MAPK10: variants seen among roughly 807,000 people sequenced by gnomAD.
MAPK10 encodes the protein JNK3 alpha protein kinase.
Under a neutral mutation model 59.3 loss-of-function variants are expected in MAPK10, and 25 were observed. The ratio of observed to expected loss-of-function variants is 0.42; its 90% CI spans 0.31 to 0.59. MAPK10 has a LOEUF of 0.59. Ranked by LOEUF, MAPK10 falls within the 20% of genes least tolerant of loss-of-function variation. MAPK10 has a pLI of 0.15. For synonymous variants in MAPK10, 190 were observed against 200.5 expected (o/e 0.95, Z 0.44); for missense variants, 351 against 568.9 (o/e 0.62, Z 3.90).
chr4:86,064,898 G>GTTTATTTA (rs943224909), intron 10 of MAPK10: 11 of 151,984 alleles, frequency 7.2e-5, no homozygotes, highest in African/African-American at 2.7e-4. Flanking sequence ...TTTTGTTTTT[G>GTTTATTTA]TTTATTTATT....
chr4:86,121,442 A>G (rs777803796), intron 4 of MAPK10, among the ~76,000 whole-genome samples: 3 of 152,122 alleles, frequency 2.0e-5, no homozygotes, highest in African/African-American at 7.2e-5. Flanking sequence ...ACAATATCAC[A>G]TTGGAGATTA....
rs150634234 is a variant in MAPK10, at chr4:86,059,329, G to A, written c.1110+4937C>T. ...ACTTGTTTCTATAAATTCTTTCACC[G>A]TAGGCAAAAATAACATAATCCCTAA... On this transcript the variant is annotated intron_variant, in intron 11 of 13. Coordinates refer to ENST00000641462, the MANE Select transcript of MAPK10 (RefSeq NM_138982.4). Among the ~76,000 whole-genome samples, 344 of 152,194 alleles carry A rather than the reference G, an allele frequency of 2.3e-3. 1 individual carries two copies. Among genetic ancestry groups the A allele is most frequent in the African/African-American group, 3.8e-3 (158 of 41,530 alleles).
chr4:86,151,460 T>G (rs2066454054), intron 4 of MAPK10, among the ~76,000 whole-genome samples: 1 of 152,154 alleles, frequency 6.6e-6, no homozygotes, highest in Non-Finnish European at 1.5e-5. Flanking sequence ...GAAATCAGTG[T>G]GATTATATCA....
At position 86,064,404 on chromosome 4, in the gene MAPK10, T is replaced by C; in HGVS notation, c.986-14A>G. On this transcript the variant is annotated splice_polypyrimidine_tract_variant and intron_variant, in intron 10 of 13. Coordinates refer to ENST00000641462, the MANE Select transcript of MAPK10 (RefSeq NM_138982.4). ...TGGCTTGGCTGGCTGAAACAATAAA[T>C]GAGAAAAACAATTAGTAAGATTTTG... 1 of 1,609,626 alleles carries C rather than the reference T, an allele frequency of 6.2e-7. No individual in the cohort carries two copies. Among genetic ancestry groups the C allele is most frequent in the Non-Finnish European group, 8.5e-7 (1 of 1,178,684 alleles).
intron 4 of MAPK10, chr4:86,125,869 A>T (rs1387663240): frequency 6.6e-6 from 1 of 152,104 alleles, no homozygotes; most frequent in Non-Finnish European, 1.5e-5. Context: ...AGTAAAGAAC[A>T]TGCTATGTAT....
chr4:86,398,752 G>A (rs995457967), intron 1 of MAPK10, among the ~76,000 whole-genome samples: 8 of 152,188 alleles, frequency 5.3e-5, no homozygotes, highest in Admixed American at 2.6e-4. Flanking sequence ...CAACCCTTGC[G>A]TCCCTCTCTT....
chr4:86,484,865 G>A (rs1753870483), intron 1 of MAPK10, among the ~76,000 whole-genome samples: 1 of 152,090 alleles, frequency 6.6e-6, no homozygotes, highest in African/African-American at 2.4e-5. Context: ...ATACTGCACC[G>A]GTCTCTTGTG....
At chr4:86,052,950 T>G (rs908220552) in intron 11 of MAPK10, among the ~76,000 whole-genome samples, 1 of 152,088 alleles carries the variant, frequency 6.6e-6, no homozygotes, top group Non-Finnish European at 1.5e-5. Flanking sequence ...CCTCCCAAAG[T>G]GCTAGGATTA....
chr4:86,105,502 C>T lies in MAPK10; in HGVS notation c.366+1721G>A, dbSNP rs1279365930. 4.6e-5 allele frequency among the ~76,000 whole-genome samples: 7 copies of T among 152,208 alleles called. No homozygotes were observed. The South Asian group carries it at 1.5e-3, about 32-fold the overall frequency. ...ACTGACCAAGTAAGTGAGCATTTCT[C>T]CACATTCTATTGCATTACAGGGTCT... On this transcript the variant is annotated intron_variant, in intron 5 of 13. Transcript: ENST00000641462.
chr4:86,126,495 T>C (rs982140257), intron 4 of MAPK10, among the ~76,000 whole-genome samples: 1 of 152,060 alleles, frequency 6.6e-6, no homozygotes, highest in Non-Finnish European at 1.5e-5. Flanking sequence ...TAATGCCAAA[T>C]GTTTATTTCC....
chr4:86,572,534 A>G (rs1402979156), intron 1 of MAPK10, among the ~76,000 whole-genome samples: 2 of 152,182 alleles, frequency 1.3e-5, no homozygotes, highest in African/African-American at 4.8e-5. Flanking sequence ...CAGGGCAGAA[A>G]GTACTGGCAG....
chr4:86,455,383 C>A (rs1366257609), upstream of MAPK10, among the ~76,000 whole-genome samples: 1 of 152,054 alleles, frequency 6.6e-6, no homozygotes, highest in Non-Finnish European at 1.5e-5. Context: ...TAGAGACACA[C>A]CTTCAAGAGA....
At chr4:86,465,297 G>A (rs1428737249) in intron 1 of MAPK10, among the ~76,000 whole-genome samples, 1 of 152,178 alleles carries the variant, frequency 6.6e-6, no homozygotes, top group African/African-American at 2.4e-5. Context: ...TATTAAAACA[G>A]ATAATGCCCC....
intron 1 of MAPK10, among the ~76,000 whole-genome samples, chr4:86,547,975 T>A (rs966823934): frequency 2.0e-5 from 3 of 152,150 alleles, no homozygotes; most frequent in African/African-American, 7.2e-5. Flanking sequence ...ATCAGCAGGA[T>A]GTGGGTGGAG....
At chr4:86,458,312 A>C (rs1487606400) in intron 1 of MAPK10, among the ~76,000 whole-genome samples, 1 of 151,620 alleles carries the variant, frequency 6.6e-6, no homozygotes, top group African/African-American at 2.4e-5. Flanking sequence ...AAAAAAAAAA[A>C]ACTAGCCGGG....
At chr4:86,467,655 G>T (rs1169584284) in intron 1 of MAPK10, among the ~76,000 whole-genome samples, 1 of 152,124 alleles carries the variant, frequency 6.6e-6, no homozygotes, top group Non-Finnish European at 1.5e-5. Flanking sequence ...GAGTAGCTGG[G>T]ATTACAGGCA....
intron 1 of MAPK10, among the ~76,000 whole-genome samples, chr4:86,386,142 G>A (rs866701856): frequency 1.3e-5 from 2 of 152,066 alleles, no homozygotes; most frequent in Non-Finnish European, 2.9e-5. Flanking sequence ...GGAGGGAAAT[G>A]GGGGGGAATC....
chr4:86,560,073 A>G (rs1760560669), intron 1 of MAPK10, among the ~76,000 whole-genome samples: 1 of 152,182 alleles, frequency 6.6e-6, no homozygotes, highest in Non-Finnish European at 1.5e-5. Context: ...AAAATAGAAT[A>G]TTACTAATCA....
intron 2 of MAPK10, among the ~76,000 whole-genome samples, chr4:86,312,716 G>A (rs2095694087): frequency 6.6e-6 from 1 of 151,988 alleles, no homozygotes; most frequent in South Asian, 2.1e-4. Flanking sequence ...TGGAATTCAG[G>A]GAACGACACT....
Sources: gnomAD v4.1 joint callset for allele counts (sites outside exome capture counted in the v4.1 genomes callset) on GRCh38, gnomAD v4.1.1 for gene constraint, MANE v1.5 for transcripts, NCBI Gene and HGNC (gene_info 2026-07-23, HGNC 2026-07-21) for gene names.